Variants in GRXCR1 observed in about 807,000 individuals in gnomAD.
The protein encoded by GRXCR1 is glutaredoxin and cysteine rich domain containing 1.
In GRXCR1, 27 loss-of-function variants were observed where a neutral mutation model predicts 27.3. The observed-to-expected ratio is 0.99, with a 90% CI of 0.73 to 1.37. The LOEUF (loss-of-function observed/expected upper bound fraction) is 1.37, where lower values mean the gene tolerates loss of function less well. Ranked by LOEUF, GRXCR1 falls within the 40% of genes most tolerant of loss-of-function variation. The probability of loss-of-function intolerance (pLI) is 0.00; values close to 1 mark genes in which losing one functional copy is unlikely to be tolerated. For synonymous variants in GRXCR1, 122 were observed against 131.1 expected (o/e 0.93, Z 0.47); for missense variants, 379 against 354.4 (o/e 1.07, Z -0.56).
intron 1 of GRXCR1, among the ~76,000 whole-genome samples, chr4:42,916,665 G>A (rs1746893561): frequency 6.6e-6 from 1 of 151,992 alleles, no homozygotes; most frequent in African/African-American, 2.4e-5. Context: ...CTCCCTATTA[G>A]TAATACTAAT....
intron 1 of GRXCR1, among the ~76,000 whole-genome samples, chr4:42,914,554 G>A (rs971810972): frequency 1.3e-5 from 2 of 152,190 alleles, no homozygotes; most frequent in Admixed American, 1.3e-4. Flanking sequence ...CAGGCTCATA[G>A]GTGAAAGGGA....
In GRXCR1 at chr4:42,987,179, A is replaced by T. The variant is rs566402683; in HGVS notation, c.627+24045A>T. Among the ~76,000 whole-genome samples the T allele has an allele frequency of 2.2e-5, 3 of 139,016 alleles. No individual in the cohort carries two copies. The East Asian group carries it at 6.2e-4, about 29-fold the overall frequency. 91.2% of individuals were successfully genotyped at this position (139,016 alleles called of 152,430 possible). ...CATACTTTGAACTGTGCTTTGAAAAATGAGTATGATTTCATAGTTTTCATA... is the reference window on the plus strand; with the variant it reads ...CATACTTTGAACTGTGCTTTGAAAATTGAGTATGATTTCATAGTTTTCATA... On this transcript the variant is annotated intron_variant, in intron 2 of 3. Coordinates refer to ENST00000399770, the MANE Select transcript of GRXCR1 (RefSeq NM_001080476.3).
At chr4:42,959,764 C>A (rs2109773451) in intron 1 of GRXCR1, among the ~76,000 whole-genome samples, 1 of 151,976 alleles carries the variant, frequency 6.6e-6, no homozygotes, top group African/African-American at 2.4e-5. Context: ...CATGTCCAAT[C>A]TTTATCTAAC....
At chr4:42,895,225 C>A (rs28666586) in intron 1 of GRXCR1, among the ~76,000 whole-genome samples, 1 of 152,012 alleles carries the variant, frequency 6.6e-6, no homozygotes, top group Non-Finnish European at 1.5e-5. Flanking sequence ...TATTTACCTG[C>A]ATATTTTTCT....
At chr4:43,023,946 A>C (rs1197385841) in intron 3 of GRXCR1, among the ~76,000 whole-genome samples, 1 of 152,136 alleles carries the variant, frequency 6.6e-6, no homozygotes, top group Non-Finnish European at 1.5e-5. Context: ...AGAAGCAACG[A>C]AGTGTCTAAG....
chr4:42,926,585 T>C (rs553580675), intron 1 of GRXCR1, among the ~76,000 whole-genome samples: 1 of 152,038 alleles, frequency 6.6e-6, no homozygotes, highest in Non-Finnish European at 1.5e-5. Context: ...TACATTGTGC[T>C]GTACAATTTT....
At chr4:43,009,639 C>T (rs1253670262) in intron 2 of GRXCR1, among the ~76,000 whole-genome samples, 1 of 152,036 alleles carries the variant, frequency 6.6e-6, no homozygotes, top group Admixed American at 6.6e-5. Flanking sequence ...TCATAGATGG[C>T]CATCTTTTTC....
At chr4:42,941,303 A>T (rs1322074669) in intron 1 of GRXCR1, among the ~76,000 whole-genome samples, 1 of 152,048 alleles carries the variant, frequency 6.6e-6, no homozygotes, top group African/African-American at 2.4e-5. Context: ...AGACTAATGC[A>T]TAGTTAAAAC....
At chr4:42,947,632 C>G (rs527978184) in intron 1 of GRXCR1, among the ~76,000 whole-genome samples, 1 of 152,178 alleles carries the variant, frequency 6.6e-6, no homozygotes, top group East Asian at 1.9e-4. Context: ...TTCCTAATGG[C>G]TAAATCTCCA....
At chr4:42,990,978 A>T (rs1008373126) in intron 2 of GRXCR1, among the ~76,000 whole-genome samples, 1 of 152,112 alleles carries the variant, frequency 6.6e-6, no homozygotes. Context: ...TTTAGTTTTT[A>T]TCAATTTGTC....
At chr4:42,901,207 A>G (rs1746452782) in intron 1 of GRXCR1, among the ~76,000 whole-genome samples, 1 of 152,190 alleles carries the variant, frequency 6.6e-6, no homozygotes, top group South Asian at 2.1e-4. Context: ...CTGAACAACA[A>G]TTACTACTCA....
intron 2 of GRXCR1, among the ~76,000 whole-genome samples, chr4:42,982,978 G>A (rs1711539197): frequency 6.6e-6 from 1 of 151,472 alleles, no homozygotes; most frequent in Non-Finnish European, 1.5e-5. Flanking sequence ...TGAGTAGGTT[G>A]CGAAAATTTT....
Position 42,929,291 on chromosome 4 carries a change from G to T in GRXCR1, c.385-33601G>T, listed in dbSNP as rs958253746. On this transcript the variant is annotated intron_variant, in intron 1 of 3. Transcript: ENST00000399770. ...GCCTTATAAGGATTCACCCCAGCAG[G>T]CAAATGTCCCCACACAGGAGGTTTG... is the stretch of plus-strand genomic sequence containing the variant. 7.7e-4 allele frequency among the ~76,000 whole-genome samples: 117 copies of T among 151,998 alleles called. 7 individuals are homozygous for T. The highest frequency in any genetic ancestry group is 1.3e-4 in the Non-Finnish European group (9 of 67,952).
rs1748157228 is a variant in GRXCR1, at chr4:42,962,922, G to A, written c.415G>A (p.Val139Ile). The A allele has an allele frequency of 1.2e-6, 2 of 1,612,528 alleles. No individual in the cohort carries two copies. The highest frequency in any genetic ancestry group is 1.7e-5 in the Admixed American group (1 of 59,872). Reference protein sequence around the residue: ...QPSTDLEFDRVVIYTTCLRVV... With the variant: ...QPSTDLEFDRIVIYTTCLRVV... ...ATCAACTGATCTAGAATTTGACCGT[G>A]TAGTGATTTATACCACCTGCCTTCG... The change falls in exon 2 of 4, where the codon GTA becomes ATA. Residue 139 changes from valine (V) to isoleucine (I), a missense_variant. Val to Ile is a conservative substitution (Grantham distance 29, BLOSUM62 3). Coordinates refer to ENST00000399770, the MANE Select transcript of GRXCR1 (RefSeq NM_001080476.3).
intron 2 of GRXCR1, among the ~76,000 whole-genome samples, chr4:42,984,895 C>T (rs2109787370): frequency 6.6e-6 from 1 of 152,270 alleles, no homozygotes; most frequent in South Asian, 2.1e-4. Flanking sequence ...GGTCTGGAGG[C>T]TCAGTCCACA....
chr4:42,962,873 C>T lies in GRXCR1; in HGVS notation c.385-19C>T. The T allele has an allele frequency of 2.5e-6, 4 of 1,611,664 alleles. No homozygotes were observed. Among genetic ancestry groups the T allele is most frequent in the Non-Finnish European group, 3.4e-6 (4 of 1,178,180 alleles). ...AAAGTAAAAGCAAACATTCTTACAA[C>T]TCAATGTTTTCCCTTCAGCAACCAT... is the stretch of plus-strand genomic sequence containing the variant. On this transcript the variant is annotated intron_variant, in intron 1 of 3. Transcript: ENST00000399770.
chr4:42,934,507 A>G (rs1370894294), intron 1 of GRXCR1, among the ~76,000 whole-genome samples: 3 of 151,860 alleles, frequency 2.0e-5, no homozygotes, highest in African/African-American at 4.8e-5. Flanking sequence ...ATTATATGAA[A>G]GAACTTCCTA....
intron 1 of GRXCR1, among the ~76,000 whole-genome samples, chr4:42,896,262 T>C (rs1746344747): frequency 6.6e-6 from 1 of 152,178 alleles, no homozygotes; most frequent in Admixed American, 6.6e-5. Flanking sequence ...AATTTTTGCC[T>C]TAAAATATTT....
chr4:42,959,668 AAT>A (rs1748087526), intron 1 of GRXCR1, among the ~76,000 whole-genome samples: 1 of 151,964 alleles, frequency 6.6e-6, no homozygotes, highest in African/African-American at 2.4e-5. Flanking sequence ...ACAACTTAAA[AAT>A]ATATAATATG....
Sources: allele counts gnomAD v4.1 joint callset (sites outside exome capture counted in the v4.1 genomes callset), GRCh38; gene constraint gnomAD v4.1.1; transcripts MANE v1.5; gene names NCBI Gene and HGNC (gene_info 2026-07-23, HGNC 2026-07-21).